Variants in FER observed in about 807,000 individuals in gnomAD.
FER encodes tyrosine-protein kinase Fer.
Under a neutral mutation model 111.0 loss-of-function variants are expected in FER, and 63 were observed. The ratio of observed to expected loss-of-function variants is 0.57; its 90% CI spans 0.46 to 0.70. The LOEUF (loss-of-function observed/expected upper bound fraction) is 0.70, where lower values mean the gene tolerates loss of function less well. Ranked by LOEUF, FER falls within the 30% of genes least tolerant of loss-of-function variation. FER has a pLI of 0.00. For missense variants in FER, 914 were observed against 954.0 expected, an observed-to-expected ratio of 0.96 and a Z score of 0.55; for synonymous variants, 327 against 313.9, an observed-to-expected ratio of 1.04 and a Z score of -0.44.
At chr5:108,820,832 A>AACAG (rs1758760522) in intron 3 of FER, among the ~76,000 whole-genome samples, 1 of 152,238 alleles carries the variant, frequency 6.6e-6, no homozygotes, top group Admixed American at 6.5e-5. Flanking sequence ...TACTTGAAAT[A>AACAG]ACAGAGTCTT....
At chr5:108,817,748 C>T (rs1043117553) in intron 3 of FER, among the ~76,000 whole-genome samples, 1 of 152,126 alleles carries the variant, frequency 6.6e-6, no homozygotes, top group Non-Finnish European at 1.5e-5. Flanking sequence ...GCTGTTAGTT[C>T]AAATTTAGAG....
chr5:108,835,202 T>C (rs1012253651), intron 4 of FER, among the ~76,000 whole-genome samples: 5 of 62,956 alleles, frequency 7.9e-5, no homozygotes, highest in Admixed American at 2.7e-4. Context: ...CCCCCCACTT[T>C]TTTTTTGAGT....
intron 17 of FER, among the ~76,000 whole-genome samples, chr5:109,132,838 G>A (rs1306195290): frequency 6.6e-6 from 1 of 152,164 alleles, no homozygotes; most frequent in African/African-American, 2.4e-5. Context: ...GATGGGAATT[G>A]AGGATAGACT....
rs60859342 is a variant in FER, at chr5:108,992,049, G to A, written c.1656+32702G>A. Among the ~76,000 whole-genome samples the A allele has an allele frequency of 5.8e-3, 886 of 152,098 alleles. 11 individuals are homozygous for A. The highest frequency in any genetic ancestry group is 0.02 in the African/African-American group (826 of 41,504). ...CCTTCCGCAGTGTTTGTGTCCCTGG[G>A]TACTTGAGGTTAGGGAGTGGTGATG... On this transcript the variant is annotated intron_variant, in intron 13 of 19. Transcript: ENST00000281092.
intron 16 of FER, chr5:109,052,128 C>G: frequency 6.2e-7 from 1 of 1,604,852 alleles, no homozygotes; most frequent in Non-Finnish European, 8.5e-7. Context: ...TGAGTTCCTC[C>G]TCTTTCTTGT....
chr5:109,125,550 A>G (rs1448099710), intron 17 of FER, among the ~76,000 whole-genome samples: 1 of 152,198 alleles, frequency 6.6e-6, no homozygotes, highest in East Asian at 1.9e-4. Context: ...CATATAACAC[A>G]GTCTATGAAA....
At chr5:108,863,931 A>G (rs1402796427) in intron 5 of FER, among the ~76,000 whole-genome samples, 1 of 152,180 alleles carries the variant, frequency 6.6e-6, no homozygotes, top group Non-Finnish European at 1.5e-5. Flanking sequence ...GATTTTCTTC[A>G]GGTGAGAACT....
At chr5:108,866,627 T>C (rs1277785894) in intron 5 of FER, among the ~76,000 whole-genome samples, 1 of 151,238 alleles carries the variant, frequency 6.6e-6, no homozygotes, top group Non-Finnish European at 1.5e-5. Flanking sequence ...TTGACACCAA[T>C]GAATCTCAAT....
At chr5:108,792,156 T>G (rs2150027364) in intron 2 of FER, among the ~76,000 whole-genome samples, 1 of 152,336 alleles carries the variant, frequency 6.6e-6, no homozygotes, top group Admixed American at 6.5e-5. Flanking sequence ...TTATTTCATG[T>G]TATTTTGGCT....
At chr5:109,184,600 T>A (rs1461550074) in intron 18 of FER, among the ~76,000 whole-genome samples, 2 of 152,198 alleles carry the variant, frequency 1.3e-5, no homozygotes, top group African/African-American at 4.8e-5. Flanking sequence ...CTACATTTTC[T>A]TAAAGAATTA....
chr5:108,925,663 A>C (rs1348382246), intron 10 of FER, among the ~76,000 whole-genome samples: 7 of 152,134 alleles, frequency 4.6e-5, no homozygotes, highest in Non-Finnish European at 1.0e-4. Flanking sequence ...ATGCCAAAAA[A>C]GTTTATGTAT....
intron 9 of FER, among the ~76,000 whole-genome samples, chr5:108,888,617 A>G (rs956868398): frequency 1.7e-4 from 26 of 152,004 alleles, no homozygotes; most frequent in African/African-American, 5.8e-4. Context: ...GTACTAAATA[A>G]TCATACATTT....
chr5:108,801,595 G>A (rs909249393), intron 3 of FER, among the ~76,000 whole-genome samples: 55 of 152,110 alleles, frequency 3.6e-4, no homozygotes, highest in African/African-American at 1.1e-3. Context: ...CACTTATCAC[G>A]TACTATGCAT....
chr5:109,158,431 A>G (rs1010547812), intron 17 of FER, among the ~76,000 whole-genome samples: 3 of 152,064 alleles, frequency 2.0e-5, no homozygotes, highest in African/African-American at 7.2e-5. Context: ...AAATTAGTCT[A>G]TATTTTATAT....
At chr5:109,116,644 T>C (rs1750287408) in intron 17 of FER, among the ~76,000 whole-genome samples, 1 of 152,160 alleles carries the variant, frequency 6.6e-6, no homozygotes, top group African/African-American at 2.4e-5. Context: ...TTGCTTGTGC[T>C]GATGTCATTG....
chr5:108,893,380 T>G (rs1748489641), intron 9 of FER, among the ~76,000 whole-genome samples: 1 of 152,106 alleles, frequency 6.6e-6, no homozygotes, highest in Non-Finnish European at 1.5e-5. Flanking sequence ...CAGTACATTC[T>G]ATTAATCCTA....
rs1053070742 is a variant in FER, at chr5:108,892,384, T to C, written c.1047-5275T>C. Among the ~76,000 whole-genome samples the C allele has an allele frequency of 3.4e-3, 519 of 152,274 alleles. 3 individuals carry two copies. Among genetic ancestry groups the C allele is most frequent in the African/African-American group, 0.011 (473 of 41,564 alleles). On this transcript the variant is annotated intron_variant, in intron 9 of 19. Coordinates refer to ENST00000281092, the MANE Select transcript of FER (RefSeq NM_005246.4). ...TAACTGGTGTGAGATGGTATCTCAT[T>C]GTGGTTTTGATTTGCATTTCTCTGA...
At chr5:108,916,347 A>C (rs1412865570) in intron 10 of FER, among the ~76,000 whole-genome samples, 1 of 152,180 alleles carries the variant, frequency 6.6e-6, no homozygotes, top group Non-Finnish European at 1.5e-5. Flanking sequence ...TACTTGATTC[A>C]TTCCAAATTG....
At chr5:108,954,701 A>AT (rs753248357) in intron 11 of FER, 28 bp from the exon 12 acceptor site, 44 of 1,197,132 alleles carry the variant, frequency 3.7e-5, no homozygotes, top group Non-Finnish European at 5.8e-6. Context: ...TCTCTAATTT[A>AT]GTTTTTTTTT....
Sources: gnomAD v4.1 joint callset for allele counts (sites outside exome capture counted in the v4.1 genomes callset) on GRCh38, gnomAD v4.1.1 for gene constraint, MANE v1.5 for transcripts, NCBI Gene and HGNC (gene_info 2026-07-23, HGNC 2026-07-21) for gene names.